The following AMOTL1 variants were observed in gnomAD, a reference collection of about 807,000 sequenced individuals.
The protein encoded by AMOTL1 is angiomotin like 1.
AMOTL1 carries 45 observed loss-of-function variants against 102.9 expected under a neutral mutation model. The ratio of observed to expected loss-of-function variants is 0.44; its 90% CI spans 0.34 to 0.56. The LOEUF (loss-of-function observed/expected upper bound fraction) is 0.56. Ranked by LOEUF, AMOTL1 falls within the 20% of genes least tolerant of loss-of-function variation. The pLI is 0.01. For missense variants in AMOTL1, 1,114 were observed against 1,225.6 expected, an observed-to-expected ratio of 0.91 and a Z score of 1.36; for synonymous variants, 481 against 484.7, an observed-to-expected ratio of 0.99 and a Z score of 0.10.
At chr11:94,864,952 G>C (rs1267485846) in intron 10 of AMOTL1, 92 bp downstream of exon 10, 13 of 1,448,262 alleles carry the variant, frequency 9.0e-6, no homozygotes, top group Non-Finnish European at 1.2e-5. Flanking sequence ...GTTCTGAAAG[G>C]CTGTGAGCAT....
chr11:94,841,035 T>C (rs187252245), intron 6 of AMOTL1, among the ~76,000 whole-genome samples: 18 of 152,308 alleles, frequency 1.2e-4, no homozygotes, highest in Admixed American at 8.5e-4. Flanking sequence ...ATCATTATTC[T>C]TTATATTATG....
intron 1 of AMOTL1, among the ~76,000 whole-genome samples, chr11:94,723,656 A>C (rs1225217787): frequency 6.6e-6 from 1 of 152,164 alleles, no homozygotes; most frequent in Non-Finnish European, 1.5e-5. Context: ...TTGGATACAA[A>C]CAAGAAGCCT....
upstream of AMOTL1, among the ~76,000 whole-genome samples, chr11:94,768,140 C>T (rs1362007663): frequency 6.6e-6 from 1 of 152,174 alleles, no homozygotes; most frequent in East Asian, 1.9e-4. Flanking sequence ...ATGCTGTCGC[C>T]CTCCTAAGTC....
intron 6 of AMOTL1, among the ~76,000 whole-genome samples, chr11:94,843,377 G>C (rs1256316458): frequency 6.6e-6 from 1 of 152,150 alleles, no homozygotes; most frequent in Non-Finnish European, 1.5e-5. Context: ...GGGTGAGGAT[G>C]TGGGGGCAGA....
At chr11:94,788,445 A>T (rs1306993492) in intron 1 of AMOTL1, among the ~76,000 whole-genome samples, 6 of 152,092 alleles carry the variant, frequency 3.9e-5, no homozygotes, top group Admixed American at 3.3e-4. Flanking sequence ...ATCTTCCCTC[A>T]CTACCACCTT....
intron 3 of AMOTL1, among the ~76,000 whole-genome samples, chr11:94,746,276 A>T (rs1438740757): frequency 6.6e-6 from 1 of 152,148 alleles, no homozygotes. Flanking sequence ...CAAAGCCCAC[A>T]CCTTTCCATA....
chr11:94,733,146 C>T (rs1333390319), intron 2 of AMOTL1, among the ~76,000 whole-genome samples: 13 of 152,260 alleles, frequency 8.5e-5, no homozygotes, highest in Non-Finnish European at 1.9e-4. Flanking sequence ...AGCAGATTCA[C>T]ACTCAGGTCT....
chr11:94,797,916 G>A (rs967411313), intron 2 of AMOTL1, among the ~76,000 whole-genome samples: 2 of 152,170 alleles, frequency 1.3e-5, no homozygotes, highest in African/African-American at 4.8e-5. Flanking sequence ...GAATTTTGGT[G>A]CAGAGGAGTG....
chr11:94,816,716 AG>A (rs1190371761), intron 3 of AMOTL1, among the ~76,000 whole-genome samples: 1 of 152,182 alleles, frequency 6.6e-6, no homozygotes, highest in African/African-American at 2.4e-5. Context: ...GGGGCTAAAC[AG>A]GACACCAAGT....
chr11:94,799,838 T>C lies in AMOTL1; in HGVS notation c.648T>C (p.His216=), dbSNP rs368929110. 6.3e-7 allele frequency: 1 copy of C among 1,593,196 alleles called. No homozygotes were observed. Among genetic ancestry groups the C allele is most frequent in the Non-Finnish European group, 8.6e-7 (1 of 1,169,482 alleles). Residue 216 remains histidine, a synonymous_variant, in exon 3 of 13, where the codon CAT becomes CAC. Transcript: ENST00000433060. This position sits in a 1 kb window ranked among gnomAD's most constrained non-coding sequence, Gnocchi z 4.5. ...QQQQQQGAVG[H]GYYMAGGTSQ... ...AACAGCAGCAGGGGGCGGTGGGCCATGGTTACTACATGGCAGGGGGCACCA... is the reference window on the plus strand; with the variant it reads ...AACAGCAGCAGGGGGCGGTGGGCCACGGTTACTACATGGCAGGGGGCACCA...
chr11:94,807,594 TC>T (rs1290023332), intron 3 of AMOTL1, among the ~76,000 whole-genome samples: 1 of 152,192 alleles, frequency 6.6e-6, no homozygotes, highest in Non-Finnish European at 1.5e-5. Flanking sequence ...AATAGCTCCT[TC>T]CGGTCTTTTT....
At chr11:94,840,440 C>T (rs1301573241) in intron 6 of AMOTL1, among the ~76,000 whole-genome samples, 2 of 151,814 alleles carry the variant, frequency 1.3e-5, no homozygotes, top group Non-Finnish European at 2.9e-5. Flanking sequence ...GGAATCTATT[C>T]AAAGCAAGTT....
At chr11:94,783,023 C>T (rs188654168) in intron 1 of AMOTL1, among the ~76,000 whole-genome samples, 1 of 152,148 alleles carries the variant, frequency 6.6e-6, no homozygotes, top group Non-Finnish European at 1.5e-5. Flanking sequence ...TGATTTAGCT[C>T]ACATTAACAA....
At chr11:94,855,859 A>G (rs904813126) in intron 8 of AMOTL1, among the ~76,000 whole-genome samples, 2 of 152,208 alleles carry the variant, frequency 1.3e-5, no homozygotes, top group Admixed American at 6.5e-5. Context: ...GGCTGCTGAC[A>G]GGCTGAGGAG....
At chr11:94,859,960 C>T (rs542738625) in intron 9 of AMOTL1, among the ~76,000 whole-genome samples, 2 of 152,180 alleles carry the variant, frequency 1.3e-5, no homozygotes, top group South Asian at 2.1e-4. Flanking sequence ...TTAAAAAAAT[C>T]ATAGACATGC....
At chr11:94,706,847 A>G (rs1051874031) in intron 1 of AMOTL1, among the ~76,000 whole-genome samples, 2 of 152,116 alleles carry the variant, frequency 1.3e-5, no homozygotes, top group African/African-American at 4.8e-5. Context: ...GCTTGGTATT[A>G]GGTGCCTATT....
chr11:94,851,660 C>G (rs73518568), intron 7 of AMOTL1, among the ~76,000 whole-genome samples: 1 of 152,092 alleles, frequency 6.6e-6, no homozygotes, highest in Non-Finnish European at 1.5e-5. Flanking sequence ...GTCACGTAAC[C>G]TTGAAGACTT....
chr11:94,818,873 G>A (rs1591997707), intron 3 of AMOTL1, among the ~76,000 whole-genome samples: 1 of 152,092 alleles, frequency 6.6e-6, no homozygotes, highest in South Asian at 2.1e-4. Context: ...GACAACTTAA[G>A]CTACAGAAGA....
chr11:94,810,377 C>T (rs181972738), intron 3 of AMOTL1, among the ~76,000 whole-genome samples: 232 of 151,850 alleles, frequency 1.5e-3, no homozygotes, highest in African/African-American at 5.4e-3. Flanking sequence ...GGCTAGACCA[C>T]GTGACGCTTT....
Sources: gnomAD v4.1 joint callset for allele counts (sites outside exome capture counted in the v4.1 genomes callset) on GRCh38, gnomAD v4.1.1 for gene constraint, Gnocchi (gnomAD v3.1) non-coding constraint, MANE v1.5 for transcripts, NCBI Gene and HGNC (gene_info 2026-07-23, HGNC 2026-07-21) for gene names.